Variants in SP4 observed in about 807,000 individuals in gnomAD.
SP4 encodes transcription factor Sp4.
SP4 carries 19 observed loss-of-function variants against 72.8 expected under a neutral mutation model. The ratio of observed to expected loss-of-function variants is 0.26; its 90% CI spans 0.18 to 0.38. SP4 has a LOEUF of 0.38. Among genes scored for constraint, SP4 ranks in the 10% least tolerant of loss-of-function variants. The pLI is 1.00. For synonymous variants in SP4, 395 were observed against 333.1 expected (o/e 1.19, Z -2.02); for missense variants, 1,008 against 926.3 (o/e 1.09, Z -1.14).
Position 21,465,614 on chromosome 7 carries a change from A to G in SP4, c.1679-11465A>G, listed in dbSNP as rs561536883. Among the ~76,000 whole-genome samples, 5 of 152,356 alleles carry G rather than the reference A, an allele frequency of 3.3e-5. No homozygotes were observed. The South Asian group carries it at 1.0e-3, about 32-fold the overall frequency. ...TGGATTGGGGATGGGAAGGATGGGC[A>G]TAATACCTTAACAAGGATTCCCTCT... On this transcript the variant is annotated intron_variant, in intron 3 of 5. Transcript: ENST00000222584.
chr7:21,468,959 C>G (rs906570611), intron 3 of SP4, among the ~76,000 whole-genome samples: 2 of 152,136 alleles, frequency 1.3e-5, no homozygotes, highest in Admixed American at 6.5e-5. Flanking sequence ...TTTATATATA[C>G]TCCTGTAATT....
chr7:21,443,550 C>T (rs1783326256), intron 3 of SP4, among the ~76,000 whole-genome samples: 1 of 152,134 alleles, frequency 6.6e-6, no homozygotes, highest in African/African-American at 2.4e-5. Context: ...TAGTACAGTT[C>T]TGTAATAATG....
intron 3 of SP4, among the ~76,000 whole-genome samples, chr7:21,473,145 T>C (rs551809759): frequency 2.4e-4 from 36 of 152,256 alleles, no homozygotes; most frequent in African/African-American, 6.5e-4. Flanking sequence ...TCAATTTAGG[T>C]TGGTAGAGGC....
Position 21,428,321 on chromosome 7 carries a change from C to A in SP4, c.7+63C>A. On this transcript the variant is annotated intron_variant, in intron 1 of 5. Coordinates refer to ENST00000222584, the MANE Select transcript of SP4 (RefSeq NM_003112.5). ...CTCCCTCTCTCCCTCCCTCCCCAGA[C>A]CCTGCTCGGTTCTCCCCCCTCCCCC... 4.7e-6 allele frequency: 4 copies of A among 849,764 alleles called. No individual in the cohort carries two copies. In the Admixed American group the frequency reaches 6.0e-5, roughly 13 times the overall value. The allele number at this position is 849,764 out of a possible 1,614,324, so 52.6% of individuals were successfully genotyped here.
chr7:21,505,157 G>A (rs1781963193), intron 5 of SP4, among the ~76,000 whole-genome samples: 1 of 152,166 alleles, frequency 6.6e-6, no homozygotes, highest in African/African-American at 2.4e-5. Flanking sequence ...ATAACCTATA[G>A]TAGCCAGTTA....
chr7:21,477,258 C>T lies in SP4; in HGVS notation c.1858C>T (p.Leu620Phe). The T allele has an allele frequency of 6.2e-7, 1 of 1,614,076 alleles. No individual in the cohort carries two copies. Among genetic ancestry groups the T allele is most frequent in the Non-Finnish European group, 8.5e-7 (1 of 1,179,950 alleles). ...TCAAGAGGTACAACCTGGCAAGAGG[C>T]TTCGAAGAGTTGCCTGTTCCTGTCC... Reference protein sequence around the residue: ...SDQEVQPGKRLRRVACSCPNC... With the variant: ...SDQEVQPGKRFRRVACSCPNC... The change falls in exon 4 of 6, where the codon CTT becomes TTT. Residue 620 changes from leucine (L) to phenylalanine (F), a missense_variant. By Grantham distance (22) the Leu-to-Phe change is conservative (BLOSUM62 0). Coordinates refer to ENST00000222584, the MANE Select transcript of SP4 (RefSeq NM_003112.5).
chr7:21,440,516 G>A (rs1783208004), intron 3 of SP4, among the ~76,000 whole-genome samples: 1 of 152,122 alleles, frequency 6.6e-6, no homozygotes, highest in Admixed American at 6.5e-5. Flanking sequence ...AAGCAAGGGT[G>A]AGGTGAGGTG....
chr7:21,429,389 A>T lies in SP4; in HGVS notation c.224A>T (p.Asp75Val). 6.2e-7 allele frequency: 1 copy of T among 1,613,960 alleles called. No individual in the cohort carries two copies. The highest frequency in any genetic ancestry group is 8.5e-7 in the Non-Finnish European group (1 of 1,179,898). Reference sequence around the variant, plus strand: ...ACTGGACAACAACAAATTATTATAGATCCAAGTCAAGGATTGGTGCAACTT... The same window carrying T: ...ACTGGACAACAACAAATTATTATAGTTCCAAGTCAAGGATTGGTGCAACTT... ...QATGQQQIII[D>V]PSQGLVQLQN... Residue 75 changes from aspartate (D) to valine (V), a missense_variant, in exon 3 of 6, where the codon GAT becomes GTT. By Grantham distance (152) the Asp-to-Val change is radical (BLOSUM62 -3). This residue lies in a region of SP4 where 893 missense variants were observed against 743.3 expected (regional missense o/e 1.20). Transcript: ENST00000222584.
At chr7:21,461,084 C>T (rs371420907) in intron 3 of SP4, among the ~76,000 whole-genome samples, 136 of 152,328 alleles carry the variant, frequency 8.9e-4, no homozygotes, top group Middle Eastern at 3.4e-3. Context: ...CCTAGCTAGA[C>T]GTAAAGGTTG....
intron 3 of SP4, among the ~76,000 whole-genome samples, chr7:21,448,506 T>C (rs568385071): frequency 6.6e-6 from 1 of 152,310 alleles, no homozygotes; most frequent in African/African-American, 2.4e-5. Context: ...AAAATAGAAA[T>C]GGACAAGAAT....
At chr7:21,428,904 T>A in intron 2 of SP4, 112 bp downstream of exon 2, 1 of 851,894 alleles carries the variant, frequency 1.2e-6, no homozygotes, top group Non-Finnish European at 1.8e-6. Flanking sequence ...ACTCAAAGCA[T>A]CTTTCTGAGA....
intron 3 of SP4, among the ~76,000 whole-genome samples, chr7:21,432,159 TTTTAA>T (rs1202038901): frequency 2.6e-5 from 4 of 152,242 alleles, no homozygotes; most frequent in African/African-American, 9.6e-5. Flanking sequence ...TTTTATTTAA[TTTTAA>T]TTTAAGTAGC....
chr7:21,430,521 T>C lies in SP4; in HGVS notation c.1356T>C (p.Thr452=). The change falls in exon 3 of 6, where the codon ACT becomes ACC. Residue 452 remains threonine, a synonymous_variant. Transcript: ENST00000222584. ...QNVQLQAVNP[T]QVLIRAPTLT... The stretch of plus-strand genomic sequence containing the variant: ...TTCAACTTCAAGCAGTAAATCCGAC[T>C]CAGGTGCTTATCAGGGCTCCAACTT... 1 of 1,614,174 alleles carries C rather than the reference T, an allele frequency of 6.2e-7. No individual in the cohort carries two copies. The highest frequency in any genetic ancestry group is 1.1e-5 in the South Asian group (1 of 91,074).
intron 3 of SP4, among the ~76,000 whole-genome samples, chr7:21,467,767 GTAT>G (rs2128405221): frequency 6.6e-6 from 1 of 152,190 alleles, no homozygotes; most frequent in South Asian, 2.1e-4. Flanking sequence ...AATCATTTTA[GTAT>G]TATTCAGAAC....
chr7:21,510,551 C>G (rs946102061), intron 5 of SP4, among the ~76,000 whole-genome samples: 10 of 152,170 alleles, frequency 6.6e-5, no homozygotes, highest in African/African-American at 1.9e-4. Flanking sequence ...GTAAAGAACT[C>G]AGTATGCTAT....
chr7:21,465,247 G>A (rs1233468043), intron 3 of SP4, among the ~76,000 whole-genome samples: 1 of 152,154 alleles, frequency 6.6e-6, no homozygotes, highest in South Asian at 2.1e-4. Context: ...AGCTCAGGGA[G>A]TTTCAAAAGA....
chr7:21,478,260 G>C (rs1379994221), intron 4 of SP4, among the ~76,000 whole-genome samples: 1 of 152,126 alleles, frequency 6.6e-6, no homozygotes, highest in Non-Finnish European at 1.5e-5. Flanking sequence ...TGTTTATCCT[G>C]TCAATTGAAG....
At chr7:21,452,170 A>G (rs1366571198) in intron 3 of SP4, among the ~76,000 whole-genome samples, 1 of 152,242 alleles carries the variant, frequency 6.6e-6, no homozygotes, top group East Asian at 1.9e-4. Context: ...TTTTCTCTTC[A>G]GTTCTCATTT....
chr7:21,456,264 A>G (rs561789876), intron 3 of SP4, among the ~76,000 whole-genome samples: 1 of 152,320 alleles, frequency 6.6e-6, no homozygotes, highest in East Asian at 1.9e-4. Flanking sequence ...AGGGCCTCAG[A>G]GTGAAGCCCT....
Sources: gnomAD v4.1 joint callset for allele counts (sites outside exome capture counted in the v4.1 genomes callset) on GRCh38, gnomAD v4.1.1 for gene constraint, gnomAD v4.1.1 regional missense constraint, MANE v1.5 for transcripts, NCBI Gene and HGNC (gene_info 2026-07-23, HGNC 2026-07-21) for gene names.